The following MAPRE3 variants were observed in gnomAD, a reference collection of about 807,000 sequenced individuals.
MAPRE3 encodes the protein microtubule-associated protein RP/EB family member 3.
Under a neutral mutation model 30.5 loss-of-function variants are expected in MAPRE3, and 2 were observed. The observed-to-expected ratio is 0.07, with a 90% CI of 0.03 to 0.21. MAPRE3 has a LOEUF of 0.21. MAPRE3 is among the 10% of genes least tolerant of loss of function. MAPRE3 has a pLI of 1.00. For missense variants in MAPRE3, 204 were observed against 351.8 expected (o/e 0.58, Z 3.36); for synonymous variants, 110 against 127.7 (o/e 0.86, Z 0.93).
At chr2:26,976,058 T>C (rs962274143) in intron 1 of MAPRE3, among the ~76,000 whole-genome samples, 2 of 152,220 alleles carry the variant, frequency 1.3e-5, no homozygotes, top group African/African-American at 4.8e-5. Flanking sequence ...CATCTGACTA[T>C]ATGACCTTCA....
At chr2:26,973,780 C>CT (rs924610608) in intron 1 of MAPRE3, among the ~76,000 whole-genome samples, 127 of 152,142 alleles carry the variant, frequency 8.3e-4, no homozygotes, top group Non-Finnish European at 2.9e-4. Context: ...TGGTCTCCAT[C>CT]TCCTGACCTC....
chr2:27,000,163 G>C lies in MAPRE3; in HGVS notation c.-7-22049G>C, dbSNP rs147083204. On this transcript the variant is annotated intron_variant, in intron 1 of 6. Coordinates refer to ENST00000233121, the MANE Select transcript of MAPRE3 (RefSeq NM_012326.4). The stretch of plus-strand genomic sequence containing the variant: ...ATTTTACAAATAAATGTACGGGTTT[G>C]TGTTACTATTATGCTCTCCCTAGAT... Among the ~76,000 whole-genome samples, 487 of 152,284 alleles carry C rather than the reference G, an allele frequency of 3.2e-3. 6 individuals are homozygous for C. Among genetic ancestry groups the C allele is most frequent in the African/African-American group, 0.011 (453 of 41,550 alleles).
chr2:27,010,195 C>T (rs1472416596), intron 1 of MAPRE3, among the ~76,000 whole-genome samples: 2 of 152,216 alleles, frequency 1.3e-5, no homozygotes, highest in East Asian at 3.8e-4. Context: ...CAAAGTTAAT[C>T]AATATGTACA....
chr2:26,977,340 T>C (rs1666032798), intron 1 of MAPRE3, among the ~76,000 whole-genome samples: 1 of 152,194 alleles, frequency 6.6e-6, no homozygotes, highest in Admixed American at 6.5e-5. Context: ...GCCTCTTCCT[T>C]TTACTGTTTA....
At position 27,026,428 on chromosome 2, in the gene MAPRE3, T is replaced by C; in HGVS notation, c.*80T>C. On this transcript the variant is annotated 3_prime_UTR_variant, in exon 7 of 7. Transcript: ENST00000233121. The stretch of plus-strand genomic sequence containing the variant: ...CCACTCCCACATTATAGTCCTTTCC[T>C]AACACGGTCGGCCGGGTGCTTTGTG... The C allele has an allele frequency of 7.9e-7, 1 of 1,258,902 alleles. No homozygotes were observed. The highest frequency in any genetic ancestry group is 1.1e-6 in the Non-Finnish European group (1 of 885,308). The allele number at this position is 1,258,902 out of a possible 1,614,324, so 78.0% of individuals were successfully genotyped here. A position where few individuals can be genotyped will look rare whatever the true frequency, so the allele number is the denominator to read the frequency against.
At chr2:27,025,292 T>C (rs993128394) in intron 4 of MAPRE3, among the ~76,000 whole-genome samples, 8 of 152,164 alleles carry the variant, frequency 5.3e-5, no homozygotes, top group African/African-American at 1.9e-4. Flanking sequence ...TCCTAATTTC[T>C]CTCCTCTATC....
At chr2:27,009,097 G>A (rs993141868) in intron 1 of MAPRE3, among the ~76,000 whole-genome samples, 2 of 152,122 alleles carry the variant, frequency 1.3e-5, no homozygotes, top group African/African-American at 4.8e-5. Flanking sequence ...GTTTCTTTGA[G>A]ATTATAGAAC....
At chr2:26,997,901 A>T (rs574572778) in intron 1 of MAPRE3, among the ~76,000 whole-genome samples, 2 of 152,236 alleles carry the variant, frequency 1.3e-5, no homozygotes, top group African/African-American at 4.8e-5. Context: ...TCATCTAAAC[A>T]TAAAATCTCA....
intron 1 of MAPRE3, chr2:27,013,421 G>A (rs913091894): frequency 6.6e-6 from 1 of 152,248 alleles, no homozygotes; most frequent in Non-Finnish European, 1.5e-5. Flanking sequence ...AGGGAGTGCA[G>A]CTAGCATTCT....
chr2:26,995,174 A>C (rs908646676), intron 1 of MAPRE3, among the ~76,000 whole-genome samples: 1 of 152,234 alleles, frequency 6.6e-6, no homozygotes, highest in Non-Finnish European at 1.5e-5. Context: ...GACACTAGGT[A>C]AATGAATGGG....
chr2:27,016,864 G>A (rs551215984), intron 1 of MAPRE3, among the ~76,000 whole-genome samples: 1 of 152,270 alleles, frequency 6.6e-6, no homozygotes, highest in African/African-American at 2.4e-5. Context: ...TGTGGTTTTA[G>A]GGGATACGGA....
At chr2:26,970,998 C>T (rs1317323024) in intron 1 of MAPRE3, among the ~76,000 whole-genome samples, 196 bp downstream of exon 1, 2 of 151,396 alleles carry the variant, frequency 1.3e-5, no homozygotes, top group African/African-American at 4.9e-5. Context: ...GGCGGCCCGG[C>T]CTCCCCAGCC....
intron 1 of MAPRE3, among the ~76,000 whole-genome samples, chr2:26,978,447 G>A (rs1253295684): frequency 3.5e-5 from 5 of 142,126 alleles, no homozygotes; most frequent in East Asian, 4.9e-4. Context: ...ACCCCCACCC[G>A]CTTCCCTGAA....
intron 1 of MAPRE3, among the ~76,000 whole-genome samples, chr2:26,989,713 G>T (rs1666295803): frequency 6.6e-6 from 1 of 152,182 alleles, no homozygotes; most frequent in Middle Eastern, 3.2e-3. Context: ...CCACTCTGCT[G>T]CCAGGAGACT....
intron 1 of MAPRE3, among the ~76,000 whole-genome samples, chr2:27,001,760 A>G (rs1387975891): frequency 6.6e-6 from 1 of 152,234 alleles, no homozygotes; most frequent in Non-Finnish European, 1.5e-5. Flanking sequence ...AATACAGCAT[A>G]ATCTTATGGA....
intron 2 of MAPRE3, 104 bp downstream of exon 2, chr2:27,022,443 A>C (rs1667127512): frequency 7.2e-7 from 1 of 1,394,052 alleles, no homozygotes; most frequent in Non-Finnish European, 9.9e-7. Context: ...TGCATGGCTG[A>C]ATGACTGATG....
chr2:26,977,113 A>T (rs1479501500), intron 1 of MAPRE3, among the ~76,000 whole-genome samples: 2 of 152,186 alleles, frequency 1.3e-5, no homozygotes, highest in African/African-American at 4.8e-5. Context: ...CCAAGGAAAA[A>T]ACCATATTTA....
intron 1 of MAPRE3, among the ~76,000 whole-genome samples, chr2:26,975,073 C>G: frequency 6.6e-6 from 1 of 152,198 alleles, no homozygotes; most frequent in East Asian, 1.9e-4. Context: ...TCCATGTATT[C>G]AGCCAACCTG....
rs545605924 is a variant in MAPRE3 at position 27,018,919 on chromosome 2, A to T, written c.-7-3293A>T. ...TTTTTATTTATTTATTTATTTATTT[A>T]TTTATTTATTTTTTGGAGATGGATT... On this transcript the variant is annotated intron_variant, in intron 1 of 6. Transcript: ENST00000233121. Among the ~76,000 whole-genome samples the T allele has an allele frequency of 4.5e-3, 683 of 150,702 alleles. 1 individual carries two copies. The highest frequency in any genetic ancestry group is 0.013 in the African/African-American group (550 of 40,846).
Sources: gnomAD v4.1 joint callset for allele counts (sites outside exome capture counted in the v4.1 genomes callset) on GRCh38, gnomAD v4.1.1 for gene constraint, MANE v1.5 for transcripts, NCBI Gene and HGNC (gene_info 2026-07-23, HGNC 2026-07-21) for gene names.